DNAH11: variants seen among roughly 807,000 people sequenced by gnomAD.
The protein encoded by DNAH11 is axonemal beta dynein heavy chain 11.
In DNAH11, 442 loss-of-function variants were observed where a neutral mutation model predicts 526.0. The ratio of observed to expected loss-of-function variants is 0.84; its 90% confidence interval spans 0.78 to 0.91. The LOEUF (loss-of-function observed/expected upper bound fraction) is 0.91, where lower values mean the gene tolerates loss of function less well. Ranked by LOEUF, DNAH11 falls within the 40% of genes least tolerant of loss-of-function variation. DNAH11 has a pLI of 0.00. For missense variants in DNAH11, 6,989 were observed against 5,448.7 expected, an observed-to-expected ratio of 1.28 and a Z score of -8.90; for synonymous variants, 2,461 against 1,935.9, an observed-to-expected ratio of 1.27 and a Z score of -7.12.
intron 61 of DNAH11, among the ~76,000 whole-genome samples, chr7:21,795,321 T>G (rs1360235284): frequency 6.6e-6 from 1 of 152,204 alleles, no homozygotes; most frequent in East Asian, 1.9e-4. Context: ...TGAAAGCTAT[T>G]TGGGATCTGG....
At chr7:21,800,124 G>C (rs1788903751) in intron 61 of DNAH11, among the ~76,000 whole-genome samples, 1 of 152,166 alleles carries the variant, frequency 6.6e-6, no homozygotes, top group African/African-American at 2.4e-5. Context: ...ACTTCTCTTG[G>C]AGTCTCTAGG....
intron 8 of DNAH11, among the ~76,000 whole-genome samples, chr7:21,578,117 C>T (rs1209259646): frequency 6.6e-6 from 1 of 152,118 alleles, no homozygotes; most frequent in East Asian, 1.9e-4. Flanking sequence ...GGGAGAAGTG[C>T]CACATACTTT....
chr7:21,606,503 G>T lies in DNAH11; in HGVS notation c.3726G>T (p.Ala1242=). 6.2e-7 allele frequency: 1 copy of T among 1,610,946 alleles called. No individual in the cohort carries two copies. Among genetic ancestry groups the T allele is most frequent in the Non-Finnish European group, 8.5e-7 (1 of 1,179,214 alleles). The change falls in exon 19 of 82, where the codon GCG becomes GCT. Residue 1242 remains alanine, a synonymous_variant. Transcript: ENST00000409508. ...VRHEVSPLHN[A]EVTLIRKKCI... The stretch of plus-strand genomic sequence containing the variant: ...ATGAAGTCTCACCTCTCCATAATGC[G>T]GAAGTCACTCTTATAAGGAAAAAAT...
intron 35 of DNAH11, among the ~76,000 whole-genome samples, chr7:21,693,207 G>A (rs550749166): frequency 2.0e-5 from 3 of 152,206 alleles, no homozygotes; most frequent in East Asian, 3.9e-4. Context: ...TATAAGCTTT[G>A]TTGTTCTATA....
chr7:21,881,505 A>C (rs1157039033), intron 75 of DNAH11, among the ~76,000 whole-genome samples: 5 of 152,214 alleles, frequency 3.3e-5, no homozygotes, highest in Non-Finnish European at 5.9e-5. Flanking sequence ...ACATTTGTGT[A>C]AGTTCTCATA....
chr7:21,545,274 T>TA (rs10634177), intron 2 of DNAH11, 125 bp downstream of exon 2: 3,361 of 131,204 alleles, frequency 0.026, 140 homozygotes, highest in African/African-American at 0.1. Context: ...TGGGGGTGGT[T>TA]AAAAAAAAAA....
rs567159036 is a variant in DNAH11, at chr7:21,681,627, A to G, written c.5410A>G (p.Thr1804Ala). 111 of 1,613,942 alleles carry G rather than the reference A, an allele frequency of 6.9e-5. No individual in the cohort carries two copies. The highest frequency in any genetic ancestry group is 8.5e-5 in the Non-Finnish European group (100 of 1,179,844). The change falls in exon 31 of 82, where the codon ACC becomes GCC. Residue 1804 changes from threonine to alanine, a missense_variant. Coordinates refer to ENST00000409508, the MANE Select transcript of DNAH11 (RefSeq NM_001277115.2). ...GDRQKIMTIC[T>A]IDVHARDVVA... ...CAGACAGAAGATCATGACAATTTGT[A>G]CCATAGATGTCCATGCCAGAGACGT...
intron 70 of DNAH11, among the ~76,000 whole-genome samples, chr7:21,865,413 A>T (rs989568943): frequency 6.6e-6 from 1 of 152,258 alleles, no homozygotes; most frequent in African/African-American, 2.4e-5. Context: ...AACAGGAAAC[A>T]GATGGCACAT....
At chr7:21,736,058 A>G (rs1785594825) in intron 46 of DNAH11, among the ~76,000 whole-genome samples, 1 of 152,158 alleles carries the variant, frequency 6.6e-6, no homozygotes, top group Non-Finnish European at 1.5e-5. Flanking sequence ...TATTTGGGTG[A>G]TTATGCTTTA....
intron 63 of DNAH11, among the ~76,000 whole-genome samples, chr7:21,809,261 A>T (rs1376639844): frequency 6.6e-6 from 1 of 152,060 alleles, no homozygotes; most frequent in South Asian, 2.1e-4. Context: ...GAGTTGTTTG[A>T]GTTCCTTATG....
At chr7:21,710,442 G>A (rs72657348) in intron 40 of DNAH11, 111 bp from the exon 41 acceptor site, 38 of 905,550 alleles carry the variant, frequency 4.2e-5, no homozygotes, top group Non-Finnish European at 5.4e-5. Context: ...CACACTGCCC[G>A]CAAGAAAGAG....
At chr7:21,656,074 G>C (rs1323507443) in intron 29 of DNAH11, 93 bp downstream of exon 29, 1 of 1,376,996 alleles carries the variant, frequency 7.3e-7, no homozygotes, top group African/African-American at 1.5e-5. Context: ...TTCAACCCAG[G>C]TCAAATCAGG....
At chr7:21,829,998 A>T (rs1583747261) in intron 65 of DNAH11, among the ~76,000 whole-genome samples, 1 of 152,208 alleles carries the variant, frequency 6.6e-6, no homozygotes, top group Non-Finnish European at 1.5e-5. Flanking sequence ...TGATTTGAAG[A>T]AGTTAGACGT....
intron 63 of DNAH11, among the ~76,000 whole-genome samples, chr7:21,813,131 G>A (rs977213228): frequency 6.6e-6 from 1 of 152,146 alleles, no homozygotes; most frequent in African/African-American, 2.4e-5. Flanking sequence ...TGGCCTTGAG[G>A]GTTCAAATTA....
At chr7:21,869,043 A>G in intron 73 of DNAH11, 52 bp downstream of exon 73, 1 of 1,609,902 alleles carries the variant, frequency 6.2e-7, no homozygotes, top group Non-Finnish European at 8.5e-7. Flanking sequence ...GAGGAGGGCC[A>G]GGGCAGAGCT....
At chr7:21,560,578 G>C (rs1445745114) in intron 4 of DNAH11, among the ~76,000 whole-genome samples, 1 of 152,174 alleles carries the variant, frequency 6.6e-6, no homozygotes, top group Non-Finnish European at 1.5e-5. Flanking sequence ...GATGTTCAAG[G>C]GCAGGAAGCG....
chr7:21,849,506 T>C (rs1782542507), intron 66 of DNAH11, among the ~76,000 whole-genome samples: 1 of 152,248 alleles, frequency 6.6e-6, no homozygotes, highest in Admixed American at 6.5e-5. Flanking sequence ...GCAGGTCTAC[T>C]GACAACAAAA....
rs17145061 is a variant in DNAH11 at position 21,705,337 on chromosome 7, A to G, written c.6469-123A>G. 0.028 allele frequency: 23,798 copies of G among 846,976 alleles called. 1,898 individuals carry two copies. Among genetic ancestry groups the G allele is most frequent in the East Asian group, 0.19 (7,035 of 36,766 alleles). The allele number at this position is 846,976 out of a possible 1,614,324, so 52.5% of individuals were successfully genotyped here. ...TATGGTCTATTTTAACTTTCTCTGA[A>G]CATACTGTTGTCAGTGGGGGCTGGC... is the stretch of plus-strand genomic sequence containing the variant. On this transcript the variant is annotated intron_variant, in intron 38 of 81. Coordinates refer to ENST00000409508, the MANE Select transcript of DNAH11 (RefSeq NM_001277115.2).
chr7:21,617,471 C>T, intron 22 of DNAH11, 148 bp from the exon 23 acceptor site: 2 of 877,322 alleles, frequency 2.3e-6, no homozygotes, highest in Non-Finnish European at 3.4e-6. Flanking sequence ...CTTTTCGTTT[C>T]TCTGGTTTTG....
Sources: allele counts gnomAD v4.1 joint callset (sites outside exome capture counted in the v4.1 genomes callset), GRCh38; gene constraint gnomAD v4.1.1; transcripts MANE v1.5; gene names NCBI Gene and HGNC (gene_info 2026-07-23, HGNC 2026-07-21).